SLC2A7: variants seen among roughly 807,000 people sequenced by gnomAD.
The protein encoded by SLC2A7 is solute carrier family 2 member 7, also known as solute carrier family 2, facilitated glucose transporter member 7.
SLC2A7 carries 50 observed loss-of-function variants against 50.5 expected under a neutral mutation model. That is an observed-to-expected ratio of 0.99 (90% CI 0.79 to 1.25). The LOEUF is 1.25. SLC2A7 is among the 50% of genes most tolerant of loss of function. The probability of loss-of-function intolerance (pLI) is 0.00; values close to 1 mark genes in which losing one functional copy is unlikely to be tolerated. For missense variants in SLC2A7, 683 were observed against 679.1 expected (o/e 1.01, Z -0.06); for synonymous variants, 308 against 300.4 (o/e 1.03, Z -0.26).
At chr1:8,999,172 C>T (rs377095293), downstream of SLC2A7, among the ~76,000 whole-genome samples, 52 of 151,726 alleles carry the variant, frequency 3.4e-4, no homozygotes, top group Admixed American at 1.1e-3. Context: ...TTTTTTTGCC[C>T]GGCTAATTTT....
Position 9,007,377 on chromosome 1 carries a change from G to C in SLC2A7, c.1125C>G (p.Val375=). 6.2e-7 allele frequency: 1 copy of C among 1,614,150 alleles called. No homozygotes were observed. The highest frequency in any genetic ancestry group is 1.1e-5 in the South Asian group (1 of 91,084). Reference sequence around the variant, plus strand: ...TGATGCCGAGGTAGGACAGCTCGGGGACCCTGTTCTGTGGGGAGAGGCAGG... The same window carrying C: ...TGATGCCGAGGTAGGACAGCTCGGGCACCCTGTTCTGTGGGGAGAGGCAGG... The part of the protein sequence containing the change: ...LTVVLLFQNR[V]PELSYLGIIC... The change falls in exon 10 of 12, where the codon GTC becomes GTG. Residue 375 remains valine, a synonymous_variant. Coordinates refer to ENST00000400906, the MANE Select transcript of SLC2A7 (RefSeq NM_207420.3).
chr1:9,018,156 G>A (rs1000944501), intron 5 of SLC2A7, 67 bp downstream of exon 5: 19 of 1,599,938 alleles, frequency 1.2e-5, no homozygotes, highest in African/African-American at 5.4e-5. Flanking sequence ...GACTCGATCC[G>A]TCAGTAACAC....
At chr1:9,013,742 C>T (rs7537425) in intron 7 of SLC2A7, 107 bp from the exon 8 acceptor site, 339,073 of 903,424 alleles carry the variant, frequency 0.38, 66,267 homozygotes, top group Admixed American at 0.54. Context: ...GTTGGGGACC[C>T]TGGGACAGGA....
downstream of SLC2A7, among the ~76,000 whole-genome samples, chr1:9,000,855 T>C (rs1198868457): frequency 6.6e-6 from 1 of 151,468 alleles, no homozygotes; most frequent in African/African-American, 2.4e-5. Flanking sequence ...AGGCTGAGTG[T>C]CAGTTTCACT....
chr1:9,005,193 T>C (rs1387920927), intron 10 of SLC2A7, among the ~76,000 whole-genome samples: 2 of 152,034 alleles, frequency 1.3e-5, no homozygotes, highest in Admixed American at 6.6e-5. Flanking sequence ...GCAGCAGGAG[T>C]GAGTGGGCTC....
In SLC2A7 at chr1:9,026,337, G is replaced by C; in HGVS notation, c.9C>G (p.Asn3Lys). 1 of 1,608,210 alleles carries C rather than the reference G, an allele frequency of 6.2e-7. No individual in the cohort carries two copies. Among genetic ancestry groups the C allele is most frequent in the Non-Finnish European group, 8.5e-7 (1 of 1,177,264 alleles). Reference sequence around the variant, plus strand: ...TGGGTGGAGGGGTTCCCGCCTCTTTGTTCTCCATCCTTGTTCAGGTGGGAG... The same window carrying C: ...TGGGTGGAGGGGTTCCCGCCTCTTTCTTCTCCATCCTTGTTCAGGTGGGAG... ME[N>K]KEAGTPPPIP... Residue 3 changes from asparagine (N) to lysine (K), a missense_variant, in exon 1 of 12, where the codon AAC (asparagine) becomes AAG (lysine). Transcript: ENST00000400906.
chr1:9,015,760 A>G (rs997761305), intron 5 of SLC2A7, among the ~76,000 whole-genome samples: 2 of 145,420 alleles, frequency 1.4e-5, no homozygotes, highest in African/African-American at 5.1e-5. Context: ...GTCTAGCTCT[A>G]TCAGCCAAGC....
downstream of SLC2A7, among the ~76,000 whole-genome samples, chr1:9,000,881 C>T (rs567607392): frequency 8.6e-5 from 13 of 151,926 alleles, no homozygotes; most frequent in South Asian, 1.7e-3. Flanking sequence ...CCAGCACCAG[C>T]GATCAGAAGC....
chr1:9,020,881 G>A (rs191056011), intron 3 of SLC2A7, among the ~76,000 whole-genome samples: 2 of 152,180 alleles, frequency 1.3e-5, no homozygotes, highest in East Asian at 3.9e-4. Flanking sequence ...CACCAGGTCT[G>A]ATGGTTTTAT....
In SLC2A7 at chr1:9,003,519, C is replaced by T. The variant is rs148918561; in HGVS notation, c.1321-1G>A. The T allele has an allele frequency of 6.7e-5, 108 of 1,613,898 alleles. No homozygotes were observed. Among genetic ancestry groups the T allele is most frequent in the Admixed American group, 1.3e-4 (8 of 60,000 alleles). ...TGAAACTGTAGGCACCGATGGCCTC[C>T]TAGACCAGGAGACGAGAAAGACAGG... On this transcript the variant is annotated splice_acceptor_variant, in intron 11 of 11. Coordinates refer to ENST00000400906, the MANE Select transcript of SLC2A7 (RefSeq NM_207420.3). LOFTEE classifies it high-confidence loss of function.
At chr1:9,023,720 A>G (rs934644547) in intron 2 of SLC2A7, among the ~76,000 whole-genome samples, 6 of 151,000 alleles carry the variant, frequency 4.0e-5, no homozygotes, top group African/African-American at 1.2e-4. Context: ...CAACCTGGCC[A>G]ACATAGGGAG....
chr1:9,013,997 G>C (rs565968509), intron 7 of SLC2A7, among the ~76,000 whole-genome samples: 1 of 152,218 alleles, frequency 6.6e-6, no homozygotes, highest in East Asian at 1.9e-4. Flanking sequence ...CAAGCCAACC[G>C]CAAGTTGAGT....
chr1:9,013,865 G>C (rs1378398779), intron 7 of SLC2A7, among the ~76,000 whole-genome samples: 1 of 152,138 alleles, frequency 6.6e-6, no homozygotes, highest in Non-Finnish European at 1.5e-5. Context: ...CTGGGCCTCA[G>C]GTTTGGCGTC....
chr1:9,005,534 C>A (rs995854247), intron 10 of SLC2A7, among the ~76,000 whole-genome samples: 2 of 152,178 alleles, frequency 1.3e-5, no homozygotes, highest in South Asian at 4.1e-4. Flanking sequence ...AGCTTCCCAC[C>A]CCCGCTTAGG....
the SLC2A7 span, among the ~76,000 whole-genome samples, chr1:8,996,826 A>C: frequency 6.6e-6 from 1 of 151,830 alleles, no homozygotes; most frequent in African/African-American, 2.4e-5. Flanking sequence ...TTGTTGCTGG[A>C]GGGCAATGGC....
At chr1:9,007,282 G>A (rs566093795) in intron 10 of SLC2A7, 28 bp downstream of exon 10, 32 of 1,612,604 alleles carry the variant, frequency 2.0e-5, no homozygotes, top group South Asian at 1.9e-4. Context: ...CAGGATGGCC[G>A]GGGCGAGGGA....
chr1:9,008,545 G>A lies in SLC2A7; in HGVS notation c.1117-1160C>T, dbSNP rs186850778. ...TGGTCTCTGCAGGTGGCGCTCAGTC[G>A]TGCTCACCTCTTTTCACTTCCTAGA... On this transcript the variant is annotated intron_variant, in intron 9 of 11. Coordinates refer to ENST00000400906, the MANE Select transcript of SLC2A7 (RefSeq NM_207420.3). The surrounding 1 kb of genome is among the most constrained non-coding windows in gnomAD (Gnocchi z 5.9). Among the ~76,000 whole-genome samples, 56 of 152,040 alleles carry A rather than the reference G, an allele frequency of 3.7e-4. No individual in the cohort carries two copies. Among genetic ancestry groups the A allele is most frequent in the Admixed American group, 1.8e-3 (28 of 15,274 alleles).
chr1:9,023,685 T>C (rs551306449), intron 2 of SLC2A7, among the ~76,000 whole-genome samples: 384 of 151,590 alleles, frequency 2.5e-3, no homozygotes, highest in Middle Eastern at 6.8e-3. Context: ...GGCGGGAGGA[T>C]TGCTTGAGGC....
At chr1:9,020,818 G>A (rs1416452591) in intron 3 of SLC2A7, among the ~76,000 whole-genome samples, 1 of 152,028 alleles carries the variant, frequency 6.6e-6, no homozygotes, top group Non-Finnish European at 1.5e-5. Context: ...ATGTGTGGGA[G>A]GGACCTGGTG....
Sources: allele counts gnomAD v4.1 joint callset (sites outside exome capture counted in the v4.1 genomes callset), GRCh38; gene constraint gnomAD v4.1.1; non-coding constraint Gnocchi (gnomAD v3.1); transcripts MANE v1.5; gene names NCBI Gene and HGNC (gene_info 2026-07-23, HGNC 2026-07-21).